NRDC: variants seen among roughly 807,000 people sequenced by gnomAD.
The protein encoded by NRDC is nardilysin.
In NRDC, 54 loss-of-function variants were observed where a neutral mutation model predicts 147.1. That is an observed-to-expected ratio of 0.37 (90% CI 0.29 to 0.46). The LOEUF is 0.46. Ranked by LOEUF, NRDC falls within the 20% of genes least tolerant of loss-of-function variation. The pLI, the probability that NRDC is intolerant of heterozygous loss-of-function variation, is 1.00. For missense variants in NRDC, 1,082 were observed against 1,370.6 expected, an observed-to-expected ratio of 0.79 and a Z score of 3.33; for synonymous variants, 440 against 482.1, an observed-to-expected ratio of 0.91 and a Z score of 1.14.
chr1:51,822,736 C>A (rs982410405), intron 7 of NRDC, among the ~76,000 whole-genome samples: 2 of 152,136 alleles, frequency 1.3e-5, no homozygotes, highest in African/African-American at 4.8e-5. Flanking sequence ...ATGGAATTGC[C>A]TAATTTAGCA....
chr1:51,800,927 C>T, intron 20 of NRDC: 1 of 385,886 alleles, frequency 2.6e-6, no homozygotes, highest in Non-Finnish European at 4.7e-6. Flanking sequence ...TCATTATAAC[C>T]TCGAATGCCT....
At chr1:51,789,899 A>G (rs2149181182) in intron 29 of NRDC, 1 of 528,494 alleles carries the variant, frequency 1.9e-6, no homozygotes, top group African/African-American at 1.9e-5. Context: ...AATTACAGCT[A>G]AATACCATAC....
chr1:51,818,050 T>C lies in NRDC; in HGVS notation c.1361+16A>G, dbSNP rs1490554037. 2.5e-6 allele frequency: 4 copies of C among 1,595,520 alleles called. No individual in the cohort carries two copies. Among genetic ancestry groups the C allele is most frequent in the South Asian group, 2.2e-5 (2 of 88,894 alleles). Reference sequence around the variant, plus strand: ...CACTTGGTTCTAATGAAGTAAATTTTCCCTTAAACTCTTACCTGTAATGTT... The same window carrying C: ...CACTTGGTTCTAATGAAGTAAATTTCCCCTTAAACTCTTACCTGTAATGTT... On this transcript the variant is annotated intron_variant, in intron 10 of 30. Transcript: ENST00000352171.
chr1:51,808,814 A>G (rs924889326), intron 17 of NRDC, among the ~76,000 whole-genome samples: 6 of 152,264 alleles, frequency 3.9e-5, no homozygotes, highest in African/African-American at 1.2e-4. Context: ...TATCTGAAAC[A>G]AAAGTTCTTA....
At chr1:51,805,997 C>T (rs931370718) in intron 18 of NRDC, among the ~76,000 whole-genome samples, 7 of 152,084 alleles carry the variant, frequency 4.6e-5, no homozygotes, top group African/African-American at 1.7e-4. Flanking sequence ...TCCCAATAAA[C>T]TCAATAATCC....
At chr1:51,833,908 A>T in intron 4 of NRDC, 109 bp downstream of exon 4, 1 of 960,356 alleles carries the variant, frequency 1.0e-6, no homozygotes, top group Non-Finnish European at 1.5e-6. Context: ...AGTCACCATG[A>T]CTGGTCCAAG....
intron 2 of NRDC, among the ~76,000 whole-genome samples, chr1:51,836,707 T>A (rs1373769796): frequency 6.6e-6 from 1 of 152,138 alleles, no homozygotes; most frequent in South Asian, 2.1e-4. Flanking sequence ...TAGAATAAGA[T>A]AACATTTTAG....
intron 22 of NRDC, 193 bp from the exon 23 acceptor site, chr1:51,795,047 C>A: frequency 1.4e-6 from 2 of 1,461,174 alleles, no homozygotes. Flanking sequence ...GAACACTAAG[C>A]AGCTCTTAAC....
chr1:51,862,939 G>A (rs1312823794), intron 1 of NRDC, among the ~76,000 whole-genome samples: 1 of 142,420 alleles, frequency 7.0e-6, no homozygotes, highest in Non-Finnish European at 1.5e-5. Context: ...GAACCTGGGA[G>A]GCAGAGTTTG....
intron 1 of NRDC, among the ~76,000 whole-genome samples, chr1:51,865,873 G>A (rs1350527898): frequency 2.7e-5 from 4 of 149,920 alleles, no homozygotes; most frequent in Non-Finnish European, 1.5e-5. Context: ...AACATGGTGA[G>A]ACCCCATCTC....
At chr1:51,836,079 G>A (rs1220002194) in intron 3 of NRDC, 52 bp downstream of exon 3, 1 of 1,369,634 alleles carries the variant, frequency 7.3e-7, no homozygotes, top group African/African-American at 1.4e-5. Flanking sequence ...ATTCATATAA[G>A]TTTGGAGGGG....
At chr1:51,867,536 A>C (rs1682876286) in intron 1 of NRDC, among the ~76,000 whole-genome samples, 1 of 152,204 alleles carries the variant, frequency 6.6e-6, no homozygotes, top group Non-Finnish European at 1.5e-5. Flanking sequence ...ATTGAGCCCT[A>C]GATAATCCAA....
intron 1 of NRDC, among the ~76,000 whole-genome samples, chr1:51,856,093 G>T (rs1032139760): frequency 6.6e-6 from 1 of 152,058 alleles, no homozygotes; most frequent in Non-Finnish European, 1.5e-5. Context: ...AATCTCAAAT[G>T]GTATCACATT....
chr1:51,801,516 A>G (rs1679199896), intron 20 of NRDC, among the ~76,000 whole-genome samples: 1 of 152,098 alleles, frequency 6.6e-6, no homozygotes. Context: ...ATTCTGATAT[A>G]CTAGTCTTTT....
At chr1:51,797,179 T>C (rs1050726239) in intron 22 of NRDC, among the ~76,000 whole-genome samples, 2 of 151,878 alleles carry the variant, frequency 1.3e-5, no homozygotes, top group Non-Finnish European at 2.9e-5. Flanking sequence ...CCAGCCTGGG[T>C]GACAGAGCGA....
intron 4 of NRDC, among the ~76,000 whole-genome samples, chr1:51,830,653 G>T (rs1413775484): frequency 1.3e-5 from 2 of 152,098 alleles, no homozygotes; most frequent in East Asian, 3.9e-4. Flanking sequence ...TTGTATTCCC[G>T]CTTATAATGG....
intron 1 of NRDC, among the ~76,000 whole-genome samples, chr1:51,861,239 TGCACCC>T (rs573190868): frequency 0.017 from 2,563 of 146,574 alleles, 76 homozygotes; most frequent in African/African-American, 0.061. Context: ...CGTGAGCCAC[TGCACCC>T]GGCTGCCCAA....
At chr1:51,859,334 CT>C (rs1682415826) in intron 1 of NRDC, among the ~76,000 whole-genome samples, 1 of 152,146 alleles carries the variant, frequency 6.6e-6, no homozygotes, top group South Asian at 2.1e-4. Context: ...ATAGAAATGG[CT>C]TCAAAATTAT....
chr1:51,825,434 T>C (rs902916233), intron 5 of NRDC, 52 bp from the exon 6 acceptor site: 2 of 1,312,534 alleles, frequency 1.5e-6, no homozygotes, highest in Non-Finnish European at 2.1e-6. Context: ...ATCTCCTTTA[T>C]TATATGGAAA....
Sources: gnomAD v4.1 joint callset for allele counts (sites outside exome capture counted in the v4.1 genomes callset) on GRCh38, gnomAD v4.1.1 for gene constraint, MANE v1.5 for transcripts, NCBI Gene and HGNC (gene_info 2026-07-23, HGNC 2026-07-21) for gene names.